Variants in MGLL observed in about 807,000 individuals in gnomAD.
MGLL encodes lysophospholipase homolog.
In MGLL, 7 loss-of-function variants were observed where a neutral mutation model predicts 29.1. The observed-to-expected ratio is 0.24, with a 90% CI of 0.14 to 0.45. MGLL has a LOEUF of 0.45. MGLL is among the 20% of genes least tolerant of loss of function. The pLI is 0.99. For missense variants in MGLL, 356 were observed against 413.6 expected, an observed-to-expected ratio of 0.86 and a Z score of 1.21; for synonymous variants, 148 against 168.3, an observed-to-expected ratio of 0.88 and a Z score of 0.93.
chr3:127,721,005 T>A, intron 5 of MGLL, 48 bp downstream of exon 5: 2 of 1,502,550 alleles, frequency 1.3e-6, no homozygotes, highest in East Asian at 2.3e-5. Flanking sequence ...GGAAGACCCA[T>A]GTCCCGGGGA....
chr3:127,815,191 T>G (rs1321212765), intron 2 of MGLL, among the ~76,000 whole-genome samples: 1 of 152,214 alleles, frequency 6.6e-6, no homozygotes, highest in Non-Finnish European at 1.5e-5. Context: ...TGGCCACTGC[T>G]CCTTCTCCTC....
In MGLL at chr3:127,761,339, C is replaced by T. The variant is rs751540599; in HGVS notation, c.262+20450G>A. On this transcript the variant is annotated intron_variant, in intron 3 of 7. Coordinates refer to ENST00000265052, the MANE Select transcript of MGLL (RefSeq NM_007283.7). The surrounding 1 kb of genome is among the most constrained non-coding windows in gnomAD (Gnocchi z 4.6). ...TGCTGCTGTGTCTTGTTAGAGCCAC[C>T]GTGTTGTGTTGGGGGTGCTGGCTTA... 2.0e-5 allele frequency among the ~76,000 whole-genome samples: 3 copies of T among 152,134 alleles called. No individual in the cohort carries two copies. Among genetic ancestry groups the T allele is most frequent in the Admixed American group, 6.5e-5 (1 of 15,278 alleles).
At chr3:127,730,698 A>G (rs2076134449) in intron 3 of MGLL, among the ~76,000 whole-genome samples, 1 of 152,124 alleles carries the variant, frequency 6.6e-6, no homozygotes, top group South Asian at 2.1e-4. Context: ...GTCACATGTG[A>G]GTTGATCACA....
chr3:127,746,512 G>C (rs970281256), intron 3 of MGLL, among the ~76,000 whole-genome samples: 1 of 152,034 alleles, frequency 6.6e-6, no homozygotes, highest in African/African-American at 2.4e-5. Flanking sequence ...AAGACACCCT[G>C]GTGTGATCCC....
At chr3:127,715,086 G>A (rs1247078690) in intron 5 of MGLL, among the ~76,000 whole-genome samples, 1 of 152,214 alleles carries the variant, frequency 6.6e-6, no homozygotes, top group Non-Finnish European at 1.5e-5. Flanking sequence ...TCAGGGGCTG[G>A]CAGTGTGTGT....
intron 3 of MGLL, among the ~76,000 whole-genome samples, chr3:127,756,012 A>G (rs893968804): frequency 2.6e-5 from 4 of 152,208 alleles, no homozygotes; most frequent in Non-Finnish European, 5.9e-5. Context: ...TCATTGAGAC[A>G]CAGGATGGCA....
At position 127,710,747 on chromosome 3, in the gene MGLL, T is replaced by C. The variant is rs2075695467; in HGVS notation, c.511-82A>G. On this transcript the variant is annotated intron_variant, in intron 5 of 7. Coordinates refer to ENST00000265052, the MANE Select transcript of MGLL (RefSeq NM_007283.7). ...TTCCGCAGTGACAGTTTACAGTACA[T>C]TAAGGAGAGTGATGCCCAAACTGAA... The C allele has an allele frequency of 3.2e-6, 4 of 1,241,966 alleles. No individual in the cohort carries two copies. In the Admixed American group the frequency reaches 5.9e-5, roughly 18 times the overall value. 76.9% of individuals were successfully genotyped at this position (1,241,966 alleles called of 1,614,324 possible).
At chr3:127,702,819 C>T (rs556856837) in intron 6 of MGLL, among the ~76,000 whole-genome samples, 8 of 152,160 alleles carry the variant, frequency 5.3e-5, no homozygotes, top group African/African-American at 1.7e-4. Context: ...CTCAGCCTCC[C>T]GAGTAGCTGG....
At chr3:127,773,609 T>A (rs1238475132) in intron 3 of MGLL, among the ~76,000 whole-genome samples, 1 of 152,186 alleles carries the variant, frequency 6.6e-6, no homozygotes, top group Non-Finnish European at 1.5e-5. Context: ...AGAGTGCACC[T>A]GCTCTCATCT....
intron 3 of MGLL, among the ~76,000 whole-genome samples, chr3:127,781,365 A>C (rs2107708936): frequency 6.6e-6 from 1 of 152,260 alleles, no homozygotes; most frequent in East Asian, 1.9e-4. Context: ...TGAGGCTTCT[A>C]CTATTCTCCT....
intron 5 of MGLL, chr3:127,712,638 G>A (rs2075739660): frequency 6.6e-6 from 1 of 152,292 alleles, no homozygotes; most frequent in African/African-American, 2.4e-5. Flanking sequence ...GTGCTTTGCT[G>A]AGCCCTGGGC....
At chr3:127,708,624 C>T (rs1417687117) in intron 6 of MGLL, among the ~76,000 whole-genome samples, 2 of 152,314 alleles carry the variant, frequency 1.3e-5, no homozygotes, top group East Asian at 1.9e-4. Context: ...AGATAAACAA[C>T]GTGGATTTGC....
intron 3 of MGLL, among the ~76,000 whole-genome samples, chr3:127,738,975 C>T (rs1460671343): frequency 6.6e-6 from 1 of 152,228 alleles, no homozygotes; most frequent in Non-Finnish European, 1.5e-5. Context: ...TCCACCATCG[C>T]AGAAATTTCT....
chr3:127,812,082 G>A (rs959989559), intron 2 of MGLL, among the ~76,000 whole-genome samples: 1 of 152,216 alleles, frequency 6.6e-6, no homozygotes, highest in African/African-American at 2.4e-5. Flanking sequence ...TACCAACCAT[G>A]ATAACGTAAT....
chr3:127,748,836 C>T (rs1299574580), intron 3 of MGLL, among the ~76,000 whole-genome samples: 3 of 152,288 alleles, frequency 2.0e-5, no homozygotes, highest in South Asian at 2.1e-4. Context: ...CCAACAGCCC[C>T]GAGTGGTGTG....
chr3:127,699,702 C>G (rs943555694), intron 6 of MGLL, among the ~76,000 whole-genome samples: 1 of 152,202 alleles, frequency 6.6e-6, no homozygotes, highest in South Asian at 2.1e-4. Context: ...AAGGTCAGTG[C>G]TGGGGCATAG....
chr3:127,719,753 T>C (rs758617992), intron 5 of MGLL, among the ~76,000 whole-genome samples: 3 of 152,222 alleles, frequency 2.0e-5, no homozygotes, highest in Admixed American at 1.3e-4. Context: ...CCTCGATCAC[T>C]CTGTGACAGA....
chr3:127,736,112 T>G, intron 3 of MGLL: 1 of 1,163,014 alleles, frequency 8.6e-7, no homozygotes, highest in Non-Finnish European at 1.1e-6. Context: ...TTCCATTGTT[T>G]GGAGCTCAGG....
chr3:127,734,765 T>C (rs1298006687), intron 3 of MGLL, among the ~76,000 whole-genome samples: 1 of 152,236 alleles, frequency 6.6e-6, no homozygotes, highest in African/African-American at 2.4e-5. Flanking sequence ...TCTCTGGATT[T>C]TCCTGGTCAT....
Sources: gnomAD v4.1 joint callset for allele counts (sites outside exome capture counted in the v4.1 genomes callset) on GRCh38, gnomAD v4.1.1 for gene constraint, Gnocchi (gnomAD v3.1) non-coding constraint, MANE v1.5 for transcripts, NCBI Gene and HGNC (gene_info 2026-07-23, HGNC 2026-07-21) for gene names.